ATXN10: variants seen among roughly 807,000 people sequenced by gnomAD.
ATXN10 encodes ataxin-10.
ATXN10 carries 28 observed loss-of-function variants against 52.9 expected under a neutral mutation model. That is an observed-to-expected ratio of 0.53 (90% CI 0.39 to 0.73). The LOEUF is 0.73. Ranked by LOEUF, ATXN10 falls within the 30% of genes least tolerant of loss-of-function variation. The pLI is 0.00. For synonymous variants in ATXN10, 226 were observed against 221.5 expected, an observed-to-expected ratio of 1.02 and a Z score of -0.18; for missense variants, 565 against 577.0, an observed-to-expected ratio of 0.98 and a Z score of 0.21.
At position 45,787,349 on chromosome 22, in the gene ATXN10, A is replaced by C. The variant is rs1162386274; in HGVS notation, c.1174-19610A>C. 6.6e-6 allele frequency among the ~76,000 whole-genome samples: 1 copy of C among 152,042 alleles called. No individual in the cohort carries two copies. ...TGGACTCTAATTCTCATTGACTCCAAAACTGGAGTTCGGACCTTTTTCCGT... is the reference window on the plus strand; with the variant it reads ...TGGACTCTAATTCTCATTGACTCCACAACTGGAGTTCGGACCTTTTTCCGT... On this transcript the variant is annotated intron_variant, in intron 9 of 11. Coordinates refer to ENST00000252934, the MANE Select transcript of ATXN10 (RefSeq NM_013236.4). The surrounding 1 kb of genome is among the most constrained non-coding windows in gnomAD (Gnocchi z 4.2).
In ATXN10 at chr22:45,818,422, C is replaced by T. The variant is rs182346800; in HGVS notation, c.1237+11400C>T. ...TCTCCCTGGCTCTCAGGAGTCAAAG[C>T]GCATCTGGTTCTGCTTGTCTGGTTT... On this transcript the variant is annotated intron_variant, in intron 10 of 11. Transcript: ENST00000252934. The surrounding 1 kb of genome is among the most constrained non-coding windows in gnomAD (Gnocchi z 4.6). 2.0e-5 allele frequency among the ~76,000 whole-genome samples: 3 copies of T among 152,140 alleles called. No individual in the cohort carries two copies. The highest frequency in any genetic ancestry group is 2.9e-5 in the Non-Finnish European group (2 of 68,040).
Position 45,766,331 on chromosome 22 carries a change from C to T in ATXN10, c.1173+25793C>T, listed in dbSNP as rs1170379469. Among the ~76,000 whole-genome samples, 3 of 152,024 alleles carry T rather than the reference C, an allele frequency of 2.0e-5. No homozygotes were observed. Among genetic ancestry groups the T allele is most frequent in the Non-Finnish European group, 4.4e-5 (3 of 68,008 alleles). ...TGAATACTGTTGTGAACTGTGCATG[C>T]GAGGGATCTAGGTTGCAAGCTGTCT... On this transcript the variant is annotated intron_variant, in intron 9 of 11. Transcript: ENST00000252934. This position sits in a 1 kb window ranked among gnomAD's most constrained non-coding sequence, Gnocchi z 4.6.
chr22:45,709,099 A>G (rs1028381338), intron 5 of ATXN10, among the ~76,000 whole-genome samples: 8 of 152,294 alleles, frequency 5.3e-5, no homozygotes, highest in African/African-American at 1.9e-4. Context: ...ACATTTTATT[A>G]TCAGCTTAAG....
In ATXN10 at chr22:45,823,807, C is replaced by A. The variant is rs1178990210; in HGVS notation, c.1237+16785C>A. On this transcript the variant is annotated intron_variant, in intron 10 of 11. Coordinates refer to ENST00000252934, the MANE Select transcript of ATXN10 (RefSeq NM_013236.4). The surrounding 1 kb of genome is among the most constrained non-coding windows in gnomAD (Gnocchi z 4.9). ...AGCTGCCAGGGATACAATGGTTGAT[C>A]AAAAAAGAGACACTGTGTGCTCCCA... Among the ~76,000 whole-genome samples the A allele has an allele frequency of 6.6e-6, 1 of 152,062 alleles. No homozygotes were observed. The highest frequency in any genetic ancestry group is 2.1e-4 in the South Asian group (1 of 4,822).
intron 6 of ATXN10, among the ~76,000 whole-genome samples, chr22:45,721,655 G>A (rs1924655850): frequency 6.6e-6 from 1 of 152,178 alleles, no homozygotes; most frequent in African/African-American, 2.4e-5. Flanking sequence ...CTACTATGCT[G>A]ATGACCTTGC....
At chr22:45,687,866 C>T (rs1923209682) in intron 1 of ATXN10, among the ~76,000 whole-genome samples, 2 of 152,118 alleles carry the variant, frequency 1.3e-5, no homozygotes, top group Non-Finnish European at 2.9e-5. Context: ...CGAGACCAGC[C>T]TGGCTAATGG....
At position 45,819,051 on chromosome 22, in the gene ATXN10, T is replaced by C. The variant is rs1184563655; in HGVS notation, c.1237+12029T>C. 6.6e-6 allele frequency among the ~76,000 whole-genome samples: 1 copy of C among 152,220 alleles called. No individual in the cohort carries two copies. Among genetic ancestry groups the C allele is most frequent in the Non-Finnish European group, 1.5e-5 (1 of 68,038 alleles). ...CACTATTCTAGACCAGTTGTAAGCT[T>C]ACTAGCTTAAGAAAGTATTTTAAAT... is the stretch of plus-strand genomic sequence containing the variant. On this transcript the variant is annotated intron_variant, in intron 10 of 11. Coordinates refer to ENST00000252934, the MANE Select transcript of ATXN10 (RefSeq NM_013236.4). The surrounding 1 kb of genome is among the most constrained non-coding windows in gnomAD (Gnocchi z 4.5).
intron 3 of ATXN10, among the ~76,000 whole-genome samples, chr22:45,697,205 G>C (rs1218637967): frequency 6.6e-6 from 1 of 152,030 alleles, no homozygotes. Context: ...CACAATCTCG[G>C]CTCACTACAG....
chr22:45,808,398 C>T (rs1015721868), intron 10 of ATXN10, among the ~76,000 whole-genome samples: 8 of 152,216 alleles, frequency 5.3e-5, no homozygotes, highest in African/African-American at 1.9e-4. Flanking sequence ...GTGTTCATTG[C>T]GTCTTTGGCT....
In ATXN10 at chr22:45,766,066, A is replaced by C. The variant is rs1017095702; in HGVS notation, c.1173+25528A>C. 1.1e-4 allele frequency among the ~76,000 whole-genome samples: 16 copies of C among 152,208 alleles called. No homozygotes were observed. The highest frequency in any genetic ancestry group is 3.9e-4 in the African/African-American group (16 of 41,446). On this transcript the variant is annotated intron_variant, in intron 9 of 11. Coordinates refer to ENST00000252934, the MANE Select transcript of ATXN10 (RefSeq NM_013236.4). The surrounding 1 kb of genome is among the most constrained non-coding windows in gnomAD (Gnocchi z 4.6). ...GCACAGTAGAAAAATGCAGAAATAG[A>C]TTCAAATGTTTTTGGAAATGTAGTG...
rs1489685875 is a variant in ATXN10, at chr22:45,688,553, C to A, written c.117-1159C>A. Among the ~76,000 whole-genome samples, 2 of 152,134 alleles carry A rather than the reference C, an allele frequency of 1.3e-5. No homozygotes were observed. Among genetic ancestry groups the A allele is most frequent in the Non-Finnish European group, 2.9e-5 (2 of 68,022 alleles). On this transcript the variant is annotated intron_variant, in intron 1 of 11. Coordinates refer to ENST00000252934, the MANE Select transcript of ATXN10 (RefSeq NM_013236.4). This position sits in a 1 kb window ranked among gnomAD's most constrained non-coding sequence, Gnocchi z 4.0. ...CACACATCACTTGGTGTATAAGAAG[C>A]CATGGTACTGAAGTTCAAGGAAAGA...
chr22:45,773,265 A>G (rs1381572956), intron 9 of ATXN10, among the ~76,000 whole-genome samples: 4 of 152,100 alleles, frequency 2.6e-5, no homozygotes, highest in Non-Finnish European at 4.4e-5. Flanking sequence ...TACATAAACA[A>G]TCATATCCTG....
rs1182306995 is a variant in ATXN10, at chr22:45,826,139, C to T, written c.1238-16852C>T. Reference sequence around the variant, plus strand: ...AGAGATAGAAGACCTGAAGATAAATCAAAGAGAAATTCTGGAGCTGAAAGT... The same window carrying T: ...AGAGATAGAAGACCTGAAGATAAATTAAAGAGAAATTCTGGAGCTGAAAGT... On this transcript the variant is annotated intron_variant, in intron 10 of 11. Transcript: ENST00000252934. This position sits in a 1 kb window ranked among gnomAD's most constrained non-coding sequence, Gnocchi z 5.0. 6.6e-6 allele frequency among the ~76,000 whole-genome samples: 1 copy of T among 152,020 alleles called. No individual in the cohort carries two copies. The highest frequency in any genetic ancestry group is 1.5e-5 in the Non-Finnish European group (1 of 68,010).
rs897589622 is a variant in ATXN10, at chr22:45,758,150, G to A, written c.1173+17612G>A. 3.3e-5 allele frequency among the ~76,000 whole-genome samples: 5 copies of A among 152,180 alleles called. No individual in the cohort carries two copies. The East Asian group carries it at 9.6e-4, about 29-fold the overall frequency. ...CCAGCCCCTGTTGTCCTGAGCTTCC[G>A]CAGCTCCCGCCTGACGTTTGGCTCA... On this transcript the variant is annotated intron_variant, in intron 9 of 11. Transcript: ENST00000252934.
chr22:45,746,959 T>G (rs1925753984), intron 9 of ATXN10, among the ~76,000 whole-genome samples: 1 of 152,226 alleles, frequency 6.6e-6, no homozygotes, highest in South Asian at 2.1e-4. Flanking sequence ...CTGTGACATA[T>G]GAAACACTTT....
At chr22:45,685,439 C>T (rs1405311449) in intron 1 of ATXN10, among the ~76,000 whole-genome samples, 15 of 152,140 alleles carry the variant, frequency 9.9e-5, no homozygotes, top group Non-Finnish European at 1.5e-5. Flanking sequence ...AATGAAGTAG[C>T]TAAGCTTTTT....
intron 9 of ATXN10, among the ~76,000 whole-genome samples, chr22:45,768,503 C>T (rs938608021): frequency 3.3e-5 from 5 of 152,160 alleles, no homozygotes; most frequent in South Asian, 2.1e-4. Context: ...TATAATACCA[C>T]GTGTGAAGTT....
Position 45,677,263 on chromosome 22 carries a change from A to G in ATXN10, c.116+5084A>G, listed in dbSNP as rs1397363494. On this transcript the variant is annotated intron_variant, in intron 1 of 11. Transcript: ENST00000252934. This position sits in a 1 kb window ranked among gnomAD's most constrained non-coding sequence, Gnocchi z 4.1. ...TGAATGAAGTGGGCACATCACATTC[A>G]CTGTATGCCTGGCATCTAGCATAGA... is the stretch of plus-strand genomic sequence containing the variant. The G allele has an allele frequency of 6.6e-6, 1 of 152,190 alleles. No individual in the cohort carries two copies. The highest frequency in any genetic ancestry group is 1.5e-5 in the Non-Finnish European group (1 of 68,052). 9.4% of individuals were successfully genotyped at this position (152,190 alleles called of 1,614,324 possible). A position where few individuals can be genotyped will look rare whatever the true frequency, so the allele number is the denominator to read the frequency against.
chr22:45,740,364 T>A lies in ATXN10; in HGVS notation c.1004-5T>A. 1 of 1,613,828 alleles carries A rather than the reference T, an allele frequency of 6.2e-7. No homozygotes were observed. The highest frequency in any genetic ancestry group is 8.5e-7 in the Non-Finnish European group (1 of 1,179,818). On this transcript the variant is annotated splice_region_variant and splice_polypyrimidine_tract_variant and intron_variant, in intron 8 of 11. Transcript: ENST00000252934. The stretch of plus-strand genomic sequence containing the variant: ...GGAAAATGAAGTTTACTCTTTTGGT[T>A]ATAGATCTTTTGCGGGTGATTCATG...
Sources: gnomAD v4.1 joint callset for allele counts (sites outside exome capture counted in the v4.1 genomes callset) on GRCh38, gnomAD v4.1.1 for gene constraint, Gnocchi (gnomAD v3.1) non-coding constraint, MANE v1.5 for transcripts, NCBI Gene and HGNC (gene_info 2026-07-23, HGNC 2026-07-21) for gene names.